SNAPC3: variants seen among roughly 807,000 people sequenced by gnomAD.
SNAPC3 encodes small nuclear RNA activating complex polypeptide 3.
SNAPC3 carries 56 observed loss-of-function variants against 47.7 expected under a neutral mutation model. That is an observed-to-expected ratio of 1.18 (90% CI 0.95 to 1.47). The LOEUF (loss-of-function observed/expected upper bound fraction) is 1.47. Among genes scored for constraint, SNAPC3 ranks in the 40% most tolerant of loss-of-function variants. The pLI is 0.00. For missense variants in SNAPC3, 665 were observed against 511.3 expected (o/e 1.30, Z -2.90); for synonymous variants, 235 against 189.9 (o/e 1.24, Z -1.95).
At chr9:15,439,138 T>G (rs986976710) in intron 3 of SNAPC3, among the ~76,000 whole-genome samples, 1 of 152,180 alleles carries the variant, frequency 6.6e-6, no homozygotes, top group African/African-American at 2.4e-5. Flanking sequence ...ACCTCCCAAG[T>G]AGACAGGACT....
chr9:15,465,456 G>A, downstream of SNAPC3: 2 of 1,366,636 alleles, frequency 1.5e-6, no homozygotes, highest in South Asian at 1.3e-5. Flanking sequence ...ACTTTCAGCA[G>A]TCTATTTCAA....
chr9:15,445,364 C>T (rs986655291), intron 4 of SNAPC3, among the ~76,000 whole-genome samples: 64 of 152,216 alleles, frequency 4.2e-4, no homozygotes, highest in African/African-American at 1.3e-3. Context: ...AGGAATTAGC[C>T]TATGTTCACT....
At chr9:15,430,047 T>C (rs1034691061) in intron 2 of SNAPC3, among the ~76,000 whole-genome samples, 2 of 152,168 alleles carry the variant, frequency 1.3e-5, no homozygotes, top group Non-Finnish European at 2.9e-5. Context: ...TAAAATTTGC[T>C]CCCTGCTAAT....
At chr9:15,457,873 C>A in intron 7 of SNAPC3, 87 bp from the exon 8 acceptor site, 1 of 757,926 alleles carries the variant, frequency 1.3e-6, no homozygotes, top group Non-Finnish European at 2.2e-6. Context: ...TTTCCTAATA[C>A]TCAGGCACAG....
At chr9:15,449,224 G>C (rs1025784517) in intron 5 of SNAPC3, among the ~76,000 whole-genome samples, 6 of 152,114 alleles carry the variant, frequency 3.9e-5, no homozygotes, top group African/African-American at 1.4e-4. Context: ...AGAAAAATCT[G>C]AATTTACCCT....
At chr9:15,459,085 T>C (rs969311997) in intron 8 of SNAPC3, among the ~76,000 whole-genome samples, 11 of 152,162 alleles carry the variant, frequency 7.2e-5, no homozygotes, top group Non-Finnish European at 1.3e-4. Context: ...GAAAGATCAA[T>C]AGGAAAACAT....
In SNAPC3 at chr9:15,423,480, G is replaced by A. The variant is rs1314982538; in HGVS notation, c.314+287G>A. The stretch of plus-strand genomic sequence containing the variant: ...TAAGAGTGCTTGTTAATAAAGAAAA[G>A]CAATCAGGGCAACAGCGACGTGTAC... On this transcript the variant is annotated intron_variant, in intron 1 of 8. Transcript: ENST00000380821. Among the ~76,000 whole-genome samples the A allele has an allele frequency of 3.3e-5, 5 of 152,136 alleles. No homozygotes were observed. In the East Asian group the frequency reaches 9.6e-4, roughly 29 times the overall value.
Position 15,433,558 on chromosome 9 carries a change from A to G in SNAPC3, c.399A>G (p.Arg133=), listed in dbSNP as rs747701194. The change falls in exon 3 of 9, where the codon AGA becomes AGG. Residue 133 remains arginine (R), a synonymous_variant. Transcript: ENST00000380821. ...TCTTTTACATCTACAACAGGGTTAG[A>G]AAAAGGTTCTTGGAACATCGGGAAG... is the stretch of plus-strand genomic sequence containing the variant. The part of the protein sequence containing the change: ...ENTDLVTLGV[R]KRFLEHREET... 2.5e-6 allele frequency: 4 copies of G among 1,594,482 alleles called. No individual in the cohort carries two copies. Among genetic ancestry groups the G allele is most frequent in the South Asian group, 2.3e-5 (2 of 88,840 alleles).
In SNAPC3 at chr9:15,459,999, C is replaced by A; in HGVS notation, c.*133C>A. Reference sequence around the variant, plus strand: ...CCGCTAAAGCTATCAAAAAAAAGTCCAAATGACAGATTTTCTTATAATGAT... The same window carrying A: ...CCGCTAAAGCTATCAAAAAAAAGTCAAAATGACAGATTTTCTTATAATGAT... On this transcript the variant is annotated 3_prime_UTR_variant, in exon 9 of 9. Transcript: ENST00000380821. The A allele has an allele frequency of 1.6e-6, 1 of 617,768 alleles. No individual in the cohort carries two copies. The highest frequency in any genetic ancestry group is 2.6e-6 in the Non-Finnish European group (1 of 383,990). The allele number at this position is 617,768 out of a possible 1,614,324, so 38.3% of individuals were successfully genotyped here. A position where few individuals can be genotyped will look rare whatever the true frequency, so the allele number is the denominator to read the frequency against.
chr9:15,453,993 C>G (rs1259101956), intron 7 of SNAPC3, among the ~76,000 whole-genome samples: 1 of 152,126 alleles, frequency 6.6e-6, no homozygotes, highest in African/African-American at 2.4e-5. Context: ...AATCCCAACA[C>G]TTTGGGAGAC....
At chr9:15,450,556 T>C (rs1054475239) in intron 5 of SNAPC3, among the ~76,000 whole-genome samples, 1 of 152,114 alleles carries the variant, frequency 6.6e-6, no homozygotes, top group Admixed American at 6.5e-5. Flanking sequence ...AGCTAGTAAG[T>C]GGTAGATTAA....
intron 1 of SNAPC3, 68 bp from the exon 2 acceptor site, chr9:15,423,837 AAAAC>A: frequency 1.1e-6 from 1 of 885,744 alleles, no homozygotes; most frequent in South Asian, 1.9e-5. Flanking sequence ...TGTATTTAGG[AAAAC>A]AACCCTAACT....
At chr9:15,447,298 C>G (rs537777871) in intron 5 of SNAPC3, 54 bp downstream of exon 5, 1 of 1,507,700 alleles carries the variant, frequency 6.6e-7, no homozygotes, top group Non-Finnish European at 9.2e-7. Context: ...AAGAAAATAG[C>G]GATTACTCTA....
intron 5 of SNAPC3, among the ~76,000 whole-genome samples, chr9:15,450,533 A>T (rs535708363): frequency 6.6e-6 from 1 of 152,336 alleles, no homozygotes; most frequent in East Asian, 1.9e-4. Context: ...ATTGCTACAT[A>T]CCAAAATCAC....
chr9:15,441,383 C>CTTTTTTTTTTTTTTTTTTTTTTTTTTT (rs77103785), intron 3 of SNAPC3, among the ~76,000 whole-genome samples: 1 of 59,572 alleles, frequency 1.7e-5, no homozygotes, highest in African/African-American at 6.1e-5. Context: ...GTTCCCTTTT[C>CTTTTTTTTTTTTTTTTTTTTTTTTTTT]TTTTTTTTTT....
intron 3 of SNAPC3, among the ~76,000 whole-genome samples, 158 bp from the exon 4 acceptor site, chr9:15,444,444 A>G (rs1587317271): frequency 2.6e-5 from 4 of 152,332 alleles, no homozygotes; most frequent in African/African-American, 9.6e-5. Context: ...AAGAAGATGA[A>G]ACTAAAGCTT....
In SNAPC3 at chr9:15,440,546, C is replaced by T. The variant is rs535088357; in HGVS notation, c.478-4056C>T. Among the ~76,000 whole-genome samples, 10 of 152,218 alleles carry T rather than the reference C, an allele frequency of 6.6e-5. No individual in the cohort carries two copies. In the East Asian group the frequency reaches 1.9e-3, roughly 29 times the overall value. The stretch of plus-strand genomic sequence containing the variant: ...AAACAAAAGTAAAAAAATTTAAAAG[C>T]TGAACACAGTGGTGGGTTCCCATAG... On this transcript the variant is annotated intron_variant, in intron 3 of 8. Coordinates refer to ENST00000380821, the MANE Select transcript of SNAPC3 (RefSeq NM_001039697.2).
chr9:15,450,147 A>G (rs1488628679), intron 5 of SNAPC3, among the ~76,000 whole-genome samples: 1 of 152,164 alleles, frequency 6.6e-6, no homozygotes, highest in African/African-American at 2.4e-5. Flanking sequence ...ATATGACATT[A>G]AGTACATTAT....
In SNAPC3 at chr9:15,423,337, G is replaced by A. The variant is rs1488944135; in HGVS notation, c.314+144G>A. The A allele has an allele frequency of 7.3e-6, 6 of 819,802 alleles. No homozygotes were observed. The East Asian group carries it at 1.3e-4, about 18-fold the overall frequency. The allele number at this position is 819,802 out of a possible 1,614,324, so 50.8% of individuals were successfully genotyped here. A position where few individuals can be genotyped will look rare whatever the true frequency, so the allele number is the denominator to read the frequency against. ...TATTACCCTTTAAAGCTTTCAACCC[G>A]CTGGAGCCTTCCTGGGACACCAGGA... On this transcript the variant is annotated intron_variant, in intron 1 of 8. Coordinates refer to ENST00000380821, the MANE Select transcript of SNAPC3 (RefSeq NM_001039697.2).
Sources: gnomAD v4.1 joint callset for allele counts (sites outside exome capture counted in the v4.1 genomes callset) on GRCh38, gnomAD v4.1.1 for gene constraint, MANE v1.5 for transcripts, NCBI Gene and HGNC (gene_info 2026-07-23, HGNC 2026-07-21) for gene names.